MYO16: variants seen among roughly 807,000 people sequenced by gnomAD.
MYO16 encodes the protein unconventional myosin-XVI.
A neutral mutation model predicts 205.3 loss-of-function variants in MYO16; 94 were observed. The ratio of observed to expected loss-of-function variants is 0.46; its 90% CI spans 0.39 to 0.54. The LOEUF (loss-of-function observed/expected upper bound fraction) is 0.54. MYO16 is among the 20% of genes least tolerant of loss of function. The pLI is 0.00. For synonymous variants in MYO16, 988 were observed against 954.0 expected, an observed-to-expected ratio of 1.04 and a Z score of -0.66; for missense variants, 2,315 against 2,387.5, an observed-to-expected ratio of 0.97 and a Z score of 0.63.
chr13:108,763,657 G>A (rs1008954561), intron 4 of MYO16, among the ~76,000 whole-genome samples: 1 of 152,184 alleles, frequency 6.6e-6, no homozygotes, highest in Non-Finnish European at 1.5e-5. Context: ...ACCAGTTAAC[G>A]AAATCTTTTT....
intron 27 of MYO16, among the ~76,000 whole-genome samples, chr13:109,088,766 C>T (rs1888525250): frequency 6.6e-6 from 1 of 152,196 alleles, no homozygotes; most frequent in Admixed American, 6.5e-5. Context: ...GAAGAAGACA[C>T]AGCGCCTTTA....
At chr13:109,205,742 T>C (rs945922587) in intron 34 of MYO16, among the ~76,000 whole-genome samples, 9 of 152,190 alleles carry the variant, frequency 5.9e-5, no homozygotes, top group African/African-American at 2.2e-4. Context: ...GGGGGTAAGC[T>C]TGGTCTGCAG....
At chr13:108,614,900 T>C (rs1230489642) in intron 1 of MYO16, among the ~76,000 whole-genome samples, 5 of 81,614 alleles carry the variant, frequency 6.1e-5, no homozygotes, top group African/African-American at 2.2e-4. Flanking sequence ...TGACCTTGGA[T>C]TAGGCAATGG....
At chr13:108,903,905 T>C (rs1246411056) in intron 15 of MYO16, among the ~76,000 whole-genome samples, 1 of 152,240 alleles carries the variant, frequency 6.6e-6, no homozygotes, top group African/African-American at 2.4e-5. Flanking sequence ...AAATAAGTGT[T>C]GATTACAGAT....
At chr13:108,554,710 A>C in the MYO16 span, among the ~76,000 whole-genome samples, 9 of 151,720 alleles carry the variant, frequency 5.9e-5, no homozygotes, top group East Asian at 1.9e-4. Context: ...ATTAGCCAGG[A>C]GTGGTGGCGG....
chr13:108,651,553 G>T (rs929141850), intron 1 of MYO16, among the ~76,000 whole-genome samples: 6 of 151,968 alleles, frequency 3.9e-5, no homozygotes, highest in African/African-American at 1.5e-4. Context: ...CATGTGTATT[G>T]GTGTTATTTC....
In MYO16 at chr13:109,127,426, C is replaced by G. The variant is rs1335405699; in HGVS notation, c.3927C>G (p.Ser1309Arg). 6.2e-7 allele frequency: 1 copy of G among 1,614,082 alleles called. No individual in the cohort carries two copies. Among genetic ancestry groups the G allele is most frequent in the Admixed American group, 1.7e-5 (1 of 60,026 alleles). The change falls in exon 31 of 35, where the codon AGC (serine) becomes AGG (arginine). Residue 1309 changes from serine (S) to arginine (R), a missense_variant. Physicochemically the swap from Ser to Arg is moderately radical, Grantham distance 110. Around this residue, in one of 3 missense-constraint regions of MYO16, gnomAD observed 1,097 missense variants for 1,092.0 expected, o/e 1.00. Transcript: ENST00000457511. This position sits in a 1 kb window ranked among gnomAD's most constrained non-coding sequence, Gnocchi z 4.2. ...LHSVFSMDDS[S>R]SLPSPRKQPP... ...CGGTGTTCAGCATGGATGACAGCAG[C>G]AGCCTCCCGTCTCCACGGAAACAGC...
chr13:108,699,110 A>G (rs79443201), intron 2 of MYO16, among the ~76,000 whole-genome samples: 52 of 130,488 alleles, frequency 4.0e-4, no homozygotes, highest in African/African-American at 5.9e-4. Flanking sequence ...ATATATATAT[A>G]TGTGTGTGTG....
intron 27 of MYO16, among the ~76,000 whole-genome samples, chr13:109,091,272 G>C (rs1024948851): frequency 6.6e-6 from 1 of 152,100 alleles, no homozygotes; most frequent in Non-Finnish European, 1.5e-5. Context: ...AGCTAAAATT[G>C]CTAAATAAGA....
chr13:108,941,676 C>CAAAAAA (rs576929781), intron 16 of MYO16, among the ~76,000 whole-genome samples: 3 of 45,050 alleles, frequency 6.7e-5, no homozygotes, highest in East Asian at 8.3e-4. Flanking sequence ...GACTCAGTCT[C>CAAAAAA]AAAAAAAAAA....
the MYO16 span, among the ~76,000 whole-genome samples, chr13:108,587,312 T>A: frequency 6.6e-6 from 1 of 152,218 alleles, no homozygotes; most frequent in African/African-American, 2.4e-5. Flanking sequence ...AGTGGACTGC[T>A]GGCTTTCTGA....
chr13:109,102,179 A>C (rs993898392), intron 28 of MYO16, among the ~76,000 whole-genome samples: 1 of 152,096 alleles, frequency 6.6e-6, no homozygotes, highest in Admixed American at 6.6e-5. Flanking sequence ...GTTGTCAGTG[A>C]TGCACATCAG....
At chr13:108,581,136 G>A in the MYO16 span, among the ~76,000 whole-genome samples, 1 of 94,376 alleles carries the variant, frequency 1.1e-5, no homozygotes, top group Non-Finnish European at 2.7e-5. Context: ...AAACATTTTA[G>A]GATATTATTT....
At chr13:108,809,384 A>G (rs1329750135) in intron 7 of MYO16, among the ~76,000 whole-genome samples, 5 of 152,164 alleles carry the variant, frequency 3.3e-5, no homozygotes, top group Non-Finnish European at 5.9e-5. Flanking sequence ...GAGACTGGGT[A>G]ATTTATAAAG....
At chr13:109,052,077 G>C (rs1887263726) in intron 24 of MYO16, among the ~76,000 whole-genome samples, 1 of 152,140 alleles carries the variant, frequency 6.6e-6, no homozygotes, top group Non-Finnish European at 1.5e-5. Context: ...TTGGGATCAA[G>C]ACTCCTGGTC....
chr13:108,690,772 A>C (rs1882865233), intron 2 of MYO16, among the ~76,000 whole-genome samples: 2 of 152,182 alleles, frequency 1.3e-5, no homozygotes, highest in African/African-American at 4.8e-5. Flanking sequence ...TGAAAAAAGT[A>C]TAAGAATTTT....
intron 1 of MYO16, among the ~76,000 whole-genome samples, chr13:108,623,866 A>G (rs1879629848): frequency 6.6e-6 from 1 of 152,184 alleles, no homozygotes; most frequent in African/African-American, 2.4e-5. Context: ...AAAGCATTGC[A>G]TTATAAATGC....
At chr13:108,968,849 C>T (rs539070886) in intron 20 of MYO16, among the ~76,000 whole-genome samples, 95 of 152,288 alleles carry the variant, frequency 6.2e-4, no homozygotes, top group African/African-American at 1.8e-3. Context: ...GTGCTCCCCA[C>T]GAACGCAGGA....
chr13:108,659,303 A>G (rs9587650), intron 1 of MYO16: 39,351 of 239,636 alleles, frequency 0.16, 3,844 homozygotes, highest in Non-Finnish European at 0.21. Context: ...ATCATATTAT[A>G]TACATATATA....
Sources: allele counts gnomAD v4.1 joint callset (sites outside exome capture counted in the v4.1 genomes callset), GRCh38; gene constraint gnomAD v4.1.1; regional missense constraint gnomAD v4.1.1; non-coding constraint Gnocchi (gnomAD v3.1); transcripts MANE v1.5; gene names NCBI Gene and HGNC (gene_info 2026-07-23, HGNC 2026-07-21).